Variants in RGS20 observed in about 807,000 individuals in gnomAD.
RGS20 encodes the protein regulator of G protein signaling 20, also known as gz-selective GTPase-activating protein.
In RGS20, 30 loss-of-function variants were observed where a neutral mutation model predicts 33.6. The ratio of observed to expected loss-of-function variants is 0.89; its 90% CI spans 0.67 to 1.21. The LOEUF (loss-of-function observed/expected upper bound fraction) is 1.21. Among genes scored for constraint, RGS20 ranks in the 50% most tolerant of loss-of-function variants. The probability of loss-of-function intolerance (pLI) is 0.00; values close to 1 mark genes in which losing one functional copy is unlikely to be tolerated. For missense variants in RGS20, 472 were observed against 502.4 expected, an observed-to-expected ratio of 0.94 and a Z score of 0.58; for synonymous variants, 208 against 197.9, an observed-to-expected ratio of 1.05 and a Z score of -0.43.
intron 2 of RGS20, among the ~76,000 whole-genome samples, chr8:53,899,818 G>A (rs1050739032): frequency 3.3e-5 from 5 of 152,164 alleles, no homozygotes; most frequent in African/African-American, 1.2e-4. Context: ...CAAGGCCTAG[G>A]GAGGTGGCTT....
intron 2 of RGS20, among the ~76,000 whole-genome samples, chr8:53,905,826 T>G (rs1813149573): frequency 6.6e-6 from 1 of 152,238 alleles, no homozygotes; most frequent in African/African-American, 2.4e-5. Flanking sequence ...AGACTTCCTG[T>G]GAACTCATCT....
intron 3 of RGS20, among the ~76,000 whole-genome samples, chr8:53,944,771 TA>T (rs1814422640): frequency 6.6e-6 from 1 of 152,100 alleles, no homozygotes; most frequent in African/African-American, 2.4e-5. Flanking sequence ...ATTTCAATAA[TA>T]AAATGCAAAT....
At chr8:53,956,808 ATT>A (rs901879943) in intron 5 of RGS20, among the ~76,000 whole-genome samples, 1 of 151,858 alleles carries the variant, frequency 6.6e-6, no homozygotes, top group Admixed American at 6.6e-5. Flanking sequence ...TTTTGTCATG[ATT>A]TTTTTTAAGG....
At chr8:53,890,153 C>T (rs184667148) in intron 2 of RGS20, among the ~76,000 whole-genome samples, 11 of 152,086 alleles carry the variant, frequency 7.2e-5, no homozygotes, top group East Asian at 5.8e-4. Flanking sequence ...TTGTTCATTT[C>T]GCATATCTTT....
chr8:53,869,117 T>C (rs1811995175), intron 1 of RGS20, among the ~76,000 whole-genome samples: 1 of 152,216 alleles, frequency 6.6e-6, no homozygotes, highest in South Asian at 2.1e-4. Context: ...AAAGTGAGTT[T>C]TAAATGTTTC....
At chr8:53,943,864 G>A (rs1357421997) in intron 3 of RGS20, among the ~76,000 whole-genome samples, 1 of 151,530 alleles carries the variant, frequency 6.6e-6, no homozygotes, top group Admixed American at 6.6e-5. Flanking sequence ...TGCCTCTCAA[G>A]TTTTTTTTGG....
chr8:53,889,408 CTCTCTTTTTTTTTTTTTTTT>C lies in RGS20; in HGVS notation c.510+9808_510+9827del, dbSNP rs1275647857. The stretch of plus-strand genomic sequence containing the variant: ...TTTTTCTTTCTTTCTTTCTCTCTCT[CTCTCTTTTTTTTTTTTTTTT>C]TTTTTTTTTTTTTTTTTTTTTTTGA... On this transcript the variant is annotated intron_variant, in intron 2 of 5. Coordinates refer to ENST00000297313, the MANE Select transcript of RGS20 (RefSeq NM_170587.4). 2.9e-3 allele frequency among the ~76,000 whole-genome samples: 252 copies of C among 88,180 alleles called. 1 individual carries two copies. The highest frequency in any genetic ancestry group is 0.012 in the African/African-American group (242 of 19,566). The allele number at this position is 88,180 out of a possible 152,430, so 57.8% of individuals were successfully genotyped here. A position where few individuals can be genotyped will look rare whatever the true frequency, so the allele number is the denominator to read the frequency against.
At position 53,958,522 on chromosome 8, in the gene RGS20, A is replaced by C; in HGVS notation, c.*64A>C. 3.3e-6 allele frequency: 3 copies of C among 911,004 alleles called. No homozygotes were observed. The highest frequency in any genetic ancestry group is 3.0e-6 in the Non-Finnish European group (2 of 671,682). The allele number at this position is 911,004 out of a possible 1,614,324, so 56.4% of individuals were successfully genotyped here. On this transcript the variant is annotated 3_prime_UTR_variant, in exon 6 of 6. Coordinates refer to ENST00000297313, the MANE Select transcript of RGS20 (RefSeq NM_170587.4). The stretch of plus-strand genomic sequence containing the variant: ...AGAATTCATGGGCTACAACTAGCAC[A>C]GGGAATTTAGAGGTTGTAGCATCTT...
intron 4 of RGS20, among the ~76,000 whole-genome samples, chr8:53,953,514 C>G (rs1028858147): frequency 1.1e-5 from 1 of 88,916 alleles, no homozygotes; most frequent in Non-Finnish European, 2.0e-5. Flanking sequence ...AAGTGAGACT[C>G]TGTCTCAAAA....
chr8:53,946,543 TCCAA>T, intron 3 of RGS20, 118 bp from the exon 3 acceptor site: 1 of 869,452 alleles, frequency 1.2e-6, no homozygotes, highest in African/African-American at 1.7e-5. Context: ...CATTTTTTTT[TCCAA>T]GTAGAGGAAG....
chr8:53,887,937 C>T (rs2129276741), intron 2 of RGS20, among the ~76,000 whole-genome samples: 1 of 151,706 alleles, frequency 6.6e-6, no homozygotes, highest in Middle Eastern at 3.4e-3. Flanking sequence ...CATGATCTTG[C>T]CTCTGCCCTC....
At chr8:53,945,719 C>T (rs1476960211) in intron 3 of RGS20, among the ~76,000 whole-genome samples, 2 of 151,976 alleles carry the variant, frequency 1.3e-5, no homozygotes, top group African/African-American at 4.8e-5. Flanking sequence ...AGTTTGAAAC[C>T]AGCCTGGCCA....
chr8:53,872,679 T>C (rs1312918340), intron 1 of RGS20, among the ~76,000 whole-genome samples: 1 of 152,130 alleles, frequency 6.6e-6, no homozygotes, highest in Non-Finnish European at 1.5e-5. Context: ...GACTAGGCAA[T>C]GTCTCTCTTA....
chr8:53,902,843 A>T (rs1052592828), intron 2 of RGS20, among the ~76,000 whole-genome samples: 35 of 152,058 alleles, frequency 2.3e-4, no homozygotes, highest in African/African-American at 8.4e-4. Flanking sequence ...CTCCTGCCTC[A>T]GCTTCCCGAG....
At chr8:53,862,264 TA>T (rs1422096872) in intron 1 of RGS20, among the ~76,000 whole-genome samples, 1 of 152,170 alleles carries the variant, frequency 6.6e-6, no homozygotes, top group Non-Finnish European at 1.5e-5. Flanking sequence ...CACTTAGATG[TA>T]AATGAATTCA....
At chr8:53,929,143 C>T (rs1485923768) in intron 2 of RGS20, among the ~76,000 whole-genome samples, 2 of 152,124 alleles carry the variant, frequency 1.3e-5, no homozygotes, top group Admixed American at 1.3e-4. Flanking sequence ...AAGGCAGAGG[C>T]ATAAGAGGGA....
intron 1 of RGS20, among the ~76,000 whole-genome samples, chr8:53,862,432 C>T (rs765996531): frequency 6.6e-6 from 1 of 152,114 alleles, no homozygotes; most frequent in African/African-American, 2.4e-5. Context: ...CACACTCCAG[C>T]GTGATGCAAA....
chr8:53,867,649 C>T (rs1466525), intron 1 of RGS20, among the ~76,000 whole-genome samples: 127,332 of 151,526 alleles, frequency 0.84, 53,928 homozygotes, highest in African/African-American at 0.96. Context: ...CCAACCATTA[C>T]GGAAGTAGTC....
intron 1 of RGS20, among the ~76,000 whole-genome samples, chr8:53,862,050 G>A (rs1811820187): frequency 6.6e-6 from 1 of 152,050 alleles, no homozygotes; most frequent in African/African-American, 2.4e-5. Context: ...GTGAGGAACA[G>A]GAGGCAAAGG....
Sources: allele counts gnomAD v4.1 joint callset (sites outside exome capture counted in the v4.1 genomes callset), GRCh38; gene constraint gnomAD v4.1.1; transcripts MANE v1.5; gene names NCBI Gene and HGNC (gene_info 2026-07-23, HGNC 2026-07-21).